NDUFA10: variants seen among roughly 807,000 people sequenced by gnomAD.
NDUFA10 encodes NADH dehydrogenase [ubiquinone] 1 alpha subcomplex subunit 10, mitochondrial.
A neutral mutation model predicts 47.8 loss-of-function variants in NDUFA10; 40 were observed. The observed-to-expected ratio is 0.84, with a 90% CI of 0.65 to 1.09. NDUFA10 has a LOEUF of 1.09. Among genes scored for constraint, NDUFA10 ranks in the 50% least tolerant of loss-of-function variants. NDUFA10 has a pLI of 0.00. For synonymous variants in NDUFA10, 183 were observed against 172.2 expected (o/e 1.06, Z -0.49); for missense variants, 413 against 451.1 (o/e 0.92, Z 0.76).
At chr2:239,998,453 A>G (rs1331546554) in intron 8 of NDUFA10, among the ~76,000 whole-genome samples, 2 of 152,220 alleles carry the variant, frequency 1.3e-5, no homozygotes, top group Non-Finnish European at 2.9e-5. Context: ...CGCTCTCAGA[A>G]AGCCTTTCCT....
chr2:239,914,479 A>G (rs1453424624), intron 4 of NDUFA10, among the ~76,000 whole-genome samples: 2 of 144,480 alleles, frequency 1.4e-5, no homozygotes, highest in East Asian at 3.9e-4. Context: ...ACACACACAA[A>G]TATAGACACA....
intron 9 of NDUFA10, chr2:239,969,776 A>G (rs1267392069): frequency 2.1e-6 from 1 of 471,366 alleles, no homozygotes; most frequent in Non-Finnish European, 4.4e-6. Flanking sequence ...AACCAACACA[A>G]TGCAATTAAC....
chr2:239,923,296 C>T (rs144861519), intron 4 of NDUFA10, among the ~76,000 whole-genome samples: 1 of 152,290 alleles, frequency 6.6e-6, no homozygotes, highest in Non-Finnish European at 1.5e-5. Flanking sequence ...TGAGCACTAT[C>T]AAACAAAAGT....
At chr2:239,969,383 G>A (rs10189996) in intron 9 of NDUFA10, 67,124 of 229,716 alleles carry the variant, frequency 0.29, 11,258 homozygotes, top group East Asian at 0.43. Context: ...GTGCTCTGCC[G>A]AGCTCCTACT....
In NDUFA10 at chr2:240,016,513, C is replaced by T. The variant is rs1405195538; in HGVS notation, c.548-1653G>A. 6.6e-6 allele frequency among the ~76,000 whole-genome samples: 1 copy of T among 152,190 alleles called. No homozygotes were observed. The highest frequency in any genetic ancestry group is 1.9e-4 in the East Asian group (1 of 5,196). ...ACTCAAACGACTCTGGCTAACATCACCAGCCCCCGAAAGGTGAAACGTGAC... is the reference window on the plus strand; with the variant it reads ...ACTCAAACGACTCTGGCTAACATCATCAGCCCCCGAAAGGTGAAACGTGAC... On this transcript the variant is annotated intron_variant, in intron 4 of 9. Transcript: ENST00000252711. This position sits in a 1 kb window ranked among gnomAD's most constrained non-coding sequence, Gnocchi z 4.4.
intron 8 of NDUFA10, among the ~76,000 whole-genome samples, chr2:239,998,161 C>T (rs566424189): frequency 6.6e-6 from 1 of 152,064 alleles, no homozygotes; most frequent in Middle Eastern, 3.4e-3. Context: ...ACCTTTGTTC[C>T]CGACTTTCTC....
At chr2:240,003,235 C>CA (rs1322794886) in intron 8 of NDUFA10, among the ~76,000 whole-genome samples, 2 of 151,992 alleles carry the variant, frequency 1.3e-5, no homozygotes, top group Admixed American at 6.5e-5. Flanking sequence ...CTCTGGTCAT[C>CA]CTAGGAGACT....
intron 9 of NDUFA10, among the ~76,000 whole-genome samples, chr2:239,963,909 T>C (rs1559324683): frequency 6.6e-6 from 1 of 152,108 alleles, no homozygotes; most frequent in East Asian, 1.9e-4. Context: ...ATACGGGGCC[T>C]CGCGTCACGG....
intron 4 of NDUFA10, among the ~76,000 whole-genome samples, chr2:239,904,477 T>C (rs1454550995): frequency 1.3e-5 from 2 of 152,138 alleles, no homozygotes; most frequent in Non-Finnish European, 2.9e-5. Context: ...GTATTTTTAG[T>C]AGAGTTGGGG....
At chr2:240,019,295 G>A (rs1463926407) in intron 3 of NDUFA10, among the ~76,000 whole-genome samples, 1 of 152,110 alleles carries the variant, frequency 6.6e-6, no homozygotes, top group Non-Finnish European at 1.5e-5. Flanking sequence ...TTAGCTCCCA[G>A]AATGGGTCTG....
intron 4 of NDUFA10, among the ~76,000 whole-genome samples, chr2:239,949,692 C>T (rs1034258735): frequency 2.6e-5 from 4 of 151,820 alleles, no homozygotes; most frequent in African/African-American, 9.7e-5. Flanking sequence ...CTATGTTGCC[C>T]GGGCTGGTCT....
intron 4 of NDUFA10, among the ~76,000 whole-genome samples, chr2:239,927,035 G>A (rs1694078227): frequency 6.6e-6 from 1 of 152,078 alleles, no homozygotes; most frequent in Non-Finnish European, 1.5e-5. Context: ...CCACCCCCAC[G>A]ATTCAACGGC....
At chr2:239,961,992 CA>C in intron 9 of NDUFA10, among the ~76,000 whole-genome samples, 1 of 152,152 alleles carries the variant, frequency 6.6e-6, no homozygotes, top group East Asian at 1.9e-4. Flanking sequence ...TGGGGGGCAA[CA>C]AGAGCCCCTG....
chr2:239,946,670 C>T (rs993936314), intron 4 of NDUFA10, among the ~76,000 whole-genome samples: 1 of 152,366 alleles, frequency 6.6e-6, no homozygotes, highest in Admixed American at 6.5e-5. Flanking sequence ...GACGCTGGTG[C>T]AGGACCTCCC....
At chr2:239,895,461 C>T (rs1417057379) in intron 4 of NDUFA10, 1 of 192,650 alleles carries the variant, frequency 5.2e-6, no homozygotes, top group African/African-American at 2.4e-5. Flanking sequence ...AGGGGAGAAA[C>T]TATAAAATGA....
intron 9 of NDUFA10, among the ~76,000 whole-genome samples, chr2:239,967,977 T>TACACACACACACACACACACACACAC (rs1380084722): frequency 5.0e-5 from 7 of 139,544 alleles, no homozygotes; most frequent in African/African-American, 1.9e-4. Flanking sequence ...AGGAAAAAAA[T>TACACACACACACACACACACACACAC]ATACACACAC....
intron 4 of NDUFA10, among the ~76,000 whole-genome samples, chr2:239,903,986 G>A (rs182343090): frequency 3.5e-3 from 540 of 152,330 alleles, no homozygotes; most frequent in Middle Eastern, 6.8e-3. Context: ...GCAGCACAGA[G>A]TCCAGACGCC....
At chr2:239,899,033 T>C (rs1693467502) in intron 4 of NDUFA10, among the ~76,000 whole-genome samples, 2 of 79,430 alleles carry the variant, frequency 2.5e-5, no homozygotes, top group Admixed American at 1.3e-4. Context: ...TGGAGGGGTG[T>C]AAAGGAGGGG....
chr2:239,938,295 G>A (rs1694301791), intron 4 of NDUFA10, among the ~76,000 whole-genome samples: 1 of 152,194 alleles, frequency 6.6e-6, no homozygotes, highest in South Asian at 2.1e-4. Flanking sequence ...GACACCTGCT[G>A]TCCAGGCTGG....
Sources: allele counts gnomAD v4.1 joint callset (sites outside exome capture counted in the v4.1 genomes callset), GRCh38; gene constraint gnomAD v4.1.1; non-coding constraint Gnocchi (gnomAD v3.1); transcripts MANE v1.5; gene names NCBI Gene and HGNC (gene_info 2026-07-23, HGNC 2026-07-21).